Variants in FAM114A1 observed in about 807,000 individuals in gnomAD.
FAM114A1 encodes the protein family with sequence similarity 114 member A1.
A neutral mutation model predicts 64.3 loss-of-function variants in FAM114A1; 62 were observed. That is an observed-to-expected ratio of 0.96 (90% CI 0.79 to 1.19). The LOEUF is 1.19. FAM114A1 is among the 50% of genes most tolerant of loss of function. The probability of loss-of-function intolerance (pLI) is 0.00; values close to 1 mark genes in which losing one functional copy is unlikely to be tolerated. For synonymous variants in FAM114A1, 254 were observed against 251.1 expected, an observed-to-expected ratio of 1.01 and a Z score of -0.11; for missense variants, 645 against 676.3, an observed-to-expected ratio of 0.95 and a Z score of 0.51.
At chr4:38,887,015 A>G (rs978972435) in intron 3 of FAM114A1, among the ~76,000 whole-genome samples, 1 of 152,048 alleles carries the variant, frequency 6.6e-6, no homozygotes, top group Non-Finnish European at 1.5e-5. Flanking sequence ...AGTAAAACCA[A>G]CCTAACCAGA....
chr4:38,929,586 T>C (rs916267697), intron 10 of FAM114A1, among the ~76,000 whole-genome samples: 8 of 152,254 alleles, frequency 5.3e-5, no homozygotes, highest in African/African-American at 1.9e-4. Flanking sequence ...GAGACCAGCC[T>C]GGCCAACATG....
At chr4:38,936,797 G>T (rs949942114) in intron 13 of FAM114A1, among the ~76,000 whole-genome samples, 12 of 151,370 alleles carry the variant, frequency 7.9e-5, no homozygotes, top group Admixed American at 7.2e-4. Context: ...GTGATCCACC[G>T]GCCTCGGCCT....
chr4:38,894,191 A>T (rs1299937073), intron 4 of FAM114A1, among the ~76,000 whole-genome samples: 1 of 144,004 alleles, frequency 6.9e-6, no homozygotes. Flanking sequence ...AAAAAAAAGC[A>T]GGGTGTGATT....
intron 2 of FAM114A1, among the ~76,000 whole-genome samples, chr4:38,877,276 A>T (rs1041451123): frequency 6.6e-6 from 1 of 152,232 alleles, no homozygotes; most frequent in Non-Finnish European, 1.5e-5. Flanking sequence ...GTAATTTATA[A>T]TGAAATAATT....
intron 3 of FAM114A1, among the ~76,000 whole-genome samples, chr4:38,884,250 A>AT (rs1715579522): frequency 6.6e-6 from 1 of 152,184 alleles, no homozygotes; most frequent in African/African-American, 2.4e-5. Context: ...CAGCCTCCCA[A>AT]AGTGCTGGGA....
rs577366890 is a variant in FAM114A1 at position 38,929,342 on chromosome 4, T to A, written c.1161+9T>A. ...CTGACAAACTCAATAAGGTCAGCAC[T>A]GTCTGATTTATAGTTTCTGGTTAAA... On this transcript the variant is annotated intron_variant, in intron 10 of 14. Transcript: ENST00000358869. The A allele has an allele frequency of 1.9e-6, 3 of 1,599,350 alleles. No individual in the cohort carries two copies. Among genetic ancestry groups the A allele is most frequent in the Middle Eastern group, 1.7e-4 (1 of 6,012 alleles).
At chr4:38,894,091 A>C (rs548171489) in intron 4 of FAM114A1, among the ~76,000 whole-genome samples, 1 of 141,056 alleles carries the variant, frequency 7.1e-6, no homozygotes, top group African/African-American at 2.6e-5. Context: ...TGAACCCAGG[A>C]GGTGGAGGTT....
chr4:38,870,796 T>C (rs1284693805), intron 2 of FAM114A1, among the ~76,000 whole-genome samples: 1 of 152,218 alleles, frequency 6.6e-6, no homozygotes, highest in African/African-American at 2.4e-5. Context: ...ACTGTAATCC[T>C]GGTGGACTCC....
intron 13 of FAM114A1, among the ~76,000 whole-genome samples, chr4:38,940,382 G>GA (rs11327672): frequency 1.3e-5 from 2 of 150,966 alleles, no homozygotes; most frequent in African/African-American, 2.4e-5. Context: ...AAGAAAGAAA[G>GA]AAAAAAAAAG....
chr4:38,890,288 A>C (rs539795314), intron 3 of FAM114A1, among the ~76,000 whole-genome samples: 5 of 152,066 alleles, frequency 3.3e-5, no homozygotes, highest in Admixed American at 6.6e-5. Context: ...CTGTAGTCTC[A>C]GCTACTTGGG....
Position 38,943,453 on chromosome 4 carries a change from C to A in FAM114A1, c.1591-3C>A, listed in dbSNP as rs754387065. On this transcript the variant is annotated splice_polypyrimidine_tract_variant and splice_region_variant and intron_variant, in intron 14 of 14. Transcript: ENST00000358869. Reference sequence around the variant, plus strand: ...CTTCAACCTCATTTTTCTCCTCTCACAGGGCTGCAACAGTACAACGTACAT... The same window carrying A: ...CTTCAACCTCATTTTTCTCCTCTCAAAGGGCTGCAACAGTACAACGTACAT... 1.9e-6 allele frequency: 3 copies of A among 1,613,748 alleles called. No individual in the cohort carries two copies. Among genetic ancestry groups the A allele is most frequent in the South Asian group, 1.1e-5 (1 of 91,066 alleles).
chr4:38,871,462 CAAT>C (rs1473889018), intron 2 of FAM114A1, among the ~76,000 whole-genome samples: 2 of 151,852 alleles, frequency 1.3e-5, no homozygotes, highest in African/African-American at 2.4e-5. Flanking sequence ...ATATTTTAAA[CAAT>C]AATCTATAAA....
In FAM114A1 at chr4:38,922,770, G is replaced by A. The variant is rs141668775; in HGVS notation, c.946G>A (p.Val316Ile). ...EILSNESESK[V>I]QSFLASLDGE... Reference sequence around the variant, plus strand: ...CGTGCTGACCTATTTCTTTTTTCAGGTTCAGTCATTTTTAGCATCACTTGA... The same window carrying A: ...CGTGCTGACCTATTTCTTTTTTCAGATTCAGTCATTTTTAGCATCACTTGA... The change falls in exon 9 of 15, where the codon GTT (valine) becomes ATT (isoleucine). Residue 316 changes from valine to isoleucine, a missense_variant and splice_region_variant. Coordinates refer to ENST00000358869, the MANE Select transcript of FAM114A1 (RefSeq NM_138389.4). The A allele has an allele frequency of 1.4e-5, 22 of 1,607,192 alleles. No individual in the cohort carries two copies. The African/African-American group carries it at 2.3e-4, about 17-fold the overall frequency.
At chr4:38,869,322 G>A (rs1335672924) in intron 2 of FAM114A1, among the ~76,000 whole-genome samples, 1 of 152,170 alleles carries the variant, frequency 6.6e-6, no homozygotes, top group Non-Finnish European at 1.5e-5. Flanking sequence ...TTAGACACTG[G>A]GTGTCTAGAG....
At chr4:38,907,499 A>T (rs1473343474) in intron 6 of FAM114A1, among the ~76,000 whole-genome samples, 1 of 152,130 alleles carries the variant, frequency 6.6e-6, no homozygotes, top group African/African-American at 2.4e-5. Flanking sequence ...ATAATTTTTC[A>T]TAGGATGTTA....
chr4:38,897,056 G>A (rs1046736417), intron 4 of FAM114A1, among the ~76,000 whole-genome samples: 1 of 152,210 alleles, frequency 6.6e-6, no homozygotes, highest in African/African-American at 2.4e-5. Context: ...ACTGTTGAGA[G>A]TTGGCAGGAG....
intron 3 of FAM114A1, among the ~76,000 whole-genome samples, chr4:38,883,908 T>C (rs1378456789): frequency 6.6e-6 from 1 of 152,172 alleles, no homozygotes; most frequent in Admixed American, 6.5e-5. Context: ...GAGCAGTGCT[T>C]CCCAGATCTG....
At chr4:38,876,058 T>TGTGTATAGGTCTCTTTCTCACTGTGA (rs1318780045) in intron 2 of FAM114A1, among the ~76,000 whole-genome samples, 1 of 152,100 alleles carries the variant, frequency 6.6e-6, no homozygotes, top group Non-Finnish European at 1.5e-5. Flanking sequence ...GAATACTGTG[T>TGTGTATAGGTCTCTTTCTCACTGTGA]GTGTATAGGT....
At chr4:38,933,344 A>G (rs1421388764) in intron 12 of FAM114A1, among the ~76,000 whole-genome samples, 1 of 152,184 alleles carries the variant, frequency 6.6e-6, no homozygotes, top group African/African-American at 2.4e-5. Context: ...TTCAACATAT[A>G]CATGAATAGA....
Sources: gnomAD v4.1 joint callset for allele counts (sites outside exome capture counted in the v4.1 genomes callset) on GRCh38, gnomAD v4.1.1 for gene constraint, MANE v1.5 for transcripts, NCBI Gene and HGNC (gene_info 2026-07-23, HGNC 2026-07-21) for gene names.